Variants in FRYL observed in about 807,000 individuals in gnomAD.
FRYL encodes the protein protein furry homolog-like.
A neutral mutation model predicts 351.2 loss-of-function variants in FRYL; 150 were observed. The ratio of observed to expected loss-of-function variants is 0.43; its 90% CI spans 0.37 to 0.49. The LOEUF (loss-of-function observed/expected upper bound fraction) is 0.49. Among genes scored for constraint, FRYL ranks in the 20% least tolerant of loss-of-function variants. The pLI is 0.00. For synonymous variants in FRYL, 1,153 were observed against 1,257.1 expected (o/e 0.92, Z 1.75); for missense variants, 3,036 against 3,619.3 (o/e 0.84, Z 4.13).
At chr4:48,658,038 A>G (rs1191298342) in intron 3 of FRYL, among the ~76,000 whole-genome samples, 1 of 152,212 alleles carries the variant, frequency 6.6e-6, no homozygotes, top group Non-Finnish European at 1.5e-5. Flanking sequence ...GTACATTCCA[A>G]TACACCAAAA....
chr4:48,724,885 T>C (rs1461452890), intron 1 of FRYL, among the ~76,000 whole-genome samples: 1 of 152,224 alleles, frequency 6.6e-6, no homozygotes, highest in African/African-American at 2.4e-5. Flanking sequence ...TACATCCATG[T>C]TGAGATGGAA....
intron 7 of FRYL, among the ~76,000 whole-genome samples, chr4:48,611,510 A>G (rs1407598095): frequency 6.6e-6 from 1 of 152,002 alleles, no homozygotes; most frequent in Non-Finnish European, 1.5e-5. Flanking sequence ...GTATGTGTCT[A>G]TACCAAAATC....
At chr4:48,638,174 C>T (rs987721388) in intron 3 of FRYL, 1 of 152,022 alleles carries the variant, frequency 6.6e-6, no homozygotes, top group Non-Finnish European at 1.5e-5. Context: ...TACTACCTCA[C>T]AGCCACAAAC....
chr4:48,592,872 A>G (rs1329805319), intron 16 of FRYL, among the ~76,000 whole-genome samples: 1 of 152,174 alleles, frequency 6.6e-6, no homozygotes, highest in Non-Finnish European at 1.5e-5. Context: ...AACCACATAA[A>G]CACATACCTT....
chr4:48,579,016 C>T lies in FRYL; in HGVS notation c.2485G>A (p.Ala829Thr). 1 of 1,613,328 alleles carries T rather than the reference C, an allele frequency of 6.2e-7. No individual in the cohort carries two copies. Among genetic ancestry groups the T allele is most frequent in the Non-Finnish European group, 8.5e-7 (1 of 1,179,674 alleles). Residue 829 changes from alanine (A) to threonine (T), a missense_variant, in exon 23 of 64, where the codon GCA (alanine) becomes ACA (threonine). Coordinates refer to ENST00000358350, the MANE Select transcript of FRYL (RefSeq NM_015030.2). ...STAVSYAWMF[A>T]YTRLQLLSPQ... is the part of the protein sequence containing the mutation. ...GACAACAACTGAAGTCTTGTGTATGCAAACATCCAAGCATAGCTCACAGCT... is the reference window on the plus strand; with the variant it reads ...GACAACAACTGAAGTCTTGTGTATGTAAACATCCAAGCATAGCTCACAGCT...
At chr4:48,723,776 A>G (rs1187360665) in intron 1 of FRYL, among the ~76,000 whole-genome samples, 2 of 151,966 alleles carry the variant, frequency 1.3e-5, no homozygotes, top group Non-Finnish European at 2.9e-5. Context: ...TTCTCCACAT[A>G]GTAACCAGAA....
At chr4:48,666,419 T>TA in intron 3 of FRYL, among the ~76,000 whole-genome samples, 1 of 150,396 alleles carries the variant, frequency 6.6e-6, no homozygotes, top group Non-Finnish European at 1.5e-5. Context: ...AAATAAGAAT[T>TA]AGAGAACCAA....
At chr4:48,605,158 C>T (rs1280140369) in intron 11 of FRYL, among the ~76,000 whole-genome samples, 2 of 152,102 alleles carry the variant, frequency 1.3e-5, no homozygotes, top group African/African-American at 4.8e-5. Flanking sequence ...CACTTGCAAA[C>T]CTTTAATTTA....
At chr4:48,673,980 C>T (rs1763137532) in intron 3 of FRYL, among the ~76,000 whole-genome samples, 1 of 152,168 alleles carries the variant, frequency 6.6e-6, no homozygotes, top group South Asian at 2.1e-4. Context: ...AGAAGGTGCT[C>T]ATATGTTTCT....
At chr4:48,554,185 G>A (rs1733554181) in intron 35 of FRYL, among the ~76,000 whole-genome samples, 1 of 151,996 alleles carries the variant, frequency 6.6e-6, no homozygotes, top group Non-Finnish European at 1.5e-5. Context: ...AGCAAGACAG[G>A]CATCATCATC....
At chr4:48,727,212 A>T (rs1770176267) in intron 1 of FRYL, among the ~76,000 whole-genome samples, 2 of 151,422 alleles carry the variant, frequency 1.3e-5, no homozygotes, top group Admixed American at 6.6e-5. Flanking sequence ...ATAGCAACTT[A>T]AAAAAAAATG....
chr4:48,751,608 C>T (rs1773256741), intron 1 of FRYL, among the ~76,000 whole-genome samples: 1 of 152,044 alleles, frequency 6.6e-6, no homozygotes, highest in Admixed American at 6.6e-5. Flanking sequence ...GGCAGCTGTG[C>T]AGCAGGAATA....
rs545426030 is a variant in FRYL at position 48,600,156 on chromosome 4, G to C, written c.1035+1864C>G. ...TAAAAGGAAATTGTTTAGGTTTTTA[G>C]TATCAAGAGATTAAATGGATCTCAA... On this transcript the variant is annotated intron_variant, in intron 13 of 63. Coordinates refer to ENST00000358350, the MANE Select transcript of FRYL (RefSeq NM_015030.2). 2.0e-5 allele frequency among the ~76,000 whole-genome samples: 3 copies of C among 151,902 alleles called. No homozygotes were observed. In the South Asian group the frequency reaches 6.2e-4, roughly 32 times the overall value.
In FRYL at chr4:48,535,823, CA is replaced by C; in HGVS notation, c.6397del (p.Cys2133ValfsTer15). On this transcript the variant is annotated frameshift_variant, in exon 48 of 64. Coordinates refer to ENST00000358350, the MANE Select transcript of FRYL (RefSeq NM_015030.2). LOFTEE classifies it high-confidence loss of function. ...AAGTGTTGGGCATTTTTCTTCTGCACAAACCTAGAAAACAAATAAAATTATT... is the reference window on the plus strand; with the variant it reads ...AAGTGTTGGGCATTTTTCTTCTGCACAACCTAGAAAACAAATAAAATTATT... ...KETASRIAKVCAEEKCPTLVN... is the reference protein window; with the variant it reads ...KETASRIAKVXAEEKCPTLVN... The C allele has an allele frequency of 6.6e-7, 1 of 1,516,370 alleles. No individual in the cohort carries two copies. Among genetic ancestry groups the C allele is most frequent in the Non-Finnish European group, 8.9e-7 (1 of 1,128,674 alleles). The allele number at this position is 1,516,370 out of a possible 1,614,324, so 93.9% of individuals were successfully genotyped here. A position where few individuals can be genotyped will look rare whatever the true frequency, so the allele number is the denominator to read the frequency against.
intron 3 of FRYL, among the ~76,000 whole-genome samples, chr4:48,665,025 G>A (rs1250614676): frequency 6.6e-6 from 1 of 152,168 alleles, no homozygotes; most frequent in East Asian, 1.9e-4. Flanking sequence ...AAATGTTACA[G>A]ATTGGACCAG....
intron 3 of FRYL, among the ~76,000 whole-genome samples, chr4:48,675,224 G>A (rs1039384008): frequency 3.3e-5 from 5 of 152,162 alleles, no homozygotes; most frequent in African/African-American, 1.2e-4. Context: ...CCTCTGCCTG[G>A]GCTCCCATTT....
intron 3 of FRYL, chr4:48,638,405 A>G (rs1186808059): frequency 6.6e-6 from 1 of 152,174 alleles, no homozygotes; most frequent in African/African-American, 2.4e-5. Flanking sequence ...CTTTACAATG[A>G]GATACCATCT....
At chr4:48,539,942 T>C in intron 47 of FRYL, 29 bp downstream of exon 47, 2 of 1,484,162 alleles carry the variant, frequency 1.3e-6, no homozygotes, top group Non-Finnish European at 9.4e-7. Flanking sequence ...TTCCCTATAG[T>C]GTTACCTTTC....
At chr4:48,751,377 G>C (rs908574693) in intron 1 of FRYL, among the ~76,000 whole-genome samples, 1 of 152,218 alleles carries the variant, frequency 6.6e-6, no homozygotes, top group African/African-American at 2.4e-5. Context: ...GTAGAAGACA[G>C]AGAGCACTGT....
Sources: allele counts gnomAD v4.1 joint callset (sites outside exome capture counted in the v4.1 genomes callset), GRCh38; gene constraint gnomAD v4.1.1; transcripts MANE v1.5; gene names NCBI Gene and HGNC (gene_info 2026-07-23, HGNC 2026-07-21).